The following CES5A variants were observed in gnomAD, a reference collection of about 807,000 sequenced individuals.
The protein encoded by CES5A is carboxylesterase 5.
A neutral mutation model predicts 62.9 loss-of-function variants in CES5A; 67 were observed. The observed-to-expected ratio is 1.07, with a 90% CI of 0.88 to 1.31. The LOEUF is 1.31. Ranked by LOEUF, CES5A falls within the 50% of genes most tolerant of loss-of-function variation. The probability of loss-of-function intolerance (pLI) is 0.00; values close to 1 mark genes in which losing one functional copy is unlikely to be tolerated. For missense variants in CES5A, 748 were observed against 708.5 expected (o/e 1.06, Z -0.63); for synonymous variants, 296 against 280.8 (o/e 1.05, Z -0.54).
intron 6 of CES5A, among the ~76,000 whole-genome samples, chr16:55,862,939 G>C (rs3848302): frequency 6.6e-6 from 1 of 152,220 alleles, no homozygotes; most frequent in Non-Finnish European, 1.5e-5. Flanking sequence ...GCCAGACAAC[G>C]TGAATCAGTC....
At chr16:55,892,953 G>T (rs957468791) in intron 1 of CES5A, among the ~76,000 whole-genome samples, 3 of 152,116 alleles carry the variant, frequency 2.0e-5, no homozygotes, top group Non-Finnish European at 2.9e-5. Flanking sequence ...GAGTTGTGCA[G>T]GGACAAGGAA....
intron 5 of CES5A, among the ~76,000 whole-genome samples, chr16:55,864,928 C>A (rs1358483350): frequency 4.0e-5 from 6 of 151,406 alleles, no homozygotes; most frequent in Non-Finnish European, 7.4e-5. Flanking sequence ...TTGCTGTCAC[C>A]GGACACGGTG....
At chr16:55,936,770 G>A (rs2142474364) in intron 2 of CES5A, among the ~76,000 whole-genome samples, 1 of 152,300 alleles carries the variant, frequency 6.6e-6, no homozygotes, top group Admixed American at 6.5e-5. Context: ...CGAAGTTGAG[G>A]AGCACTTCAA....
At chr16:55,884,366 T>G (rs986915569) in intron 1 of CES5A, among the ~76,000 whole-genome samples, 1 of 152,174 alleles carries the variant, frequency 6.6e-6, no homozygotes, top group Non-Finnish European at 1.5e-5. Flanking sequence ...TCTCCACCAC[T>G]CCTTACAGGT....
intron 8 of CES5A, among the ~76,000 whole-genome samples, chr16:55,857,573 T>C (rs752832417): frequency 1.3e-5 from 2 of 152,216 alleles, no homozygotes; most frequent in Non-Finnish European, 2.9e-5. Flanking sequence ...ATATTTTAAC[T>C]ACTAAAAACC....
upstream of CES5A, among the ~76,000 whole-genome samples, chr16:55,930,185 C>T (rs1422846803): frequency 6.6e-6 from 1 of 151,646 alleles, no homozygotes; most frequent in African/African-American, 2.4e-5. Flanking sequence ...CTCCCTCCTC[C>T]CCCAGCAACC....
At chr16:55,942,556 C>T (rs1335807948) in intron 2 of CES5A, among the ~76,000 whole-genome samples, 2 of 152,160 alleles carry the variant, frequency 1.3e-5, no homozygotes, top group Non-Finnish European at 2.9e-5. Flanking sequence ...AACCTATGAA[C>T]CATCTGGAAC....
At chr16:55,910,163 C>T (rs568821390) in intron 1 of CES5A, among the ~76,000 whole-genome samples, 1 of 152,158 alleles carries the variant, frequency 6.6e-6, no homozygotes, top group African/African-American at 2.4e-5. Context: ...GTGGCCACAC[C>T]CCCTCCTCCA....
chr16:55,871,531 G>T lies in CES5A; in HGVS notation c.417+94C>A, dbSNP rs1280126653. 2.8e-6 allele frequency: 4 copies of T among 1,405,700 alleles called. No individual in the cohort carries two copies. In the South Asian group the frequency reaches 4.0e-5, roughly 14 times the overall value. The allele number at this position is 1,405,700 out of a possible 1,614,324, so 87.1% of individuals were successfully genotyped here. ...TACATTTCCCTTTTACCCAACAGGG[G>T]GTAGTTCCAATTCCAGACATGTAGC... On this transcript the variant is annotated intron_variant, in intron 3 of 12. Transcript: ENST00000290567.
chr16:55,944,217 C>A, intron 2 of CES5A: 1 of 652,298 alleles, frequency 1.5e-6, no homozygotes, highest in Non-Finnish European at 2.8e-6. Flanking sequence ...CAGTACGACT[C>A]TGAACAAGAC....
intron 1 of CES5A, among the ~76,000 whole-genome samples, chr16:55,904,609 T>C (rs1195587092): frequency 2.6e-5 from 4 of 152,238 alleles, no homozygotes; most frequent in South Asian, 2.1e-4. Flanking sequence ...GTTGTCTCTC[T>C]TAATCTTCAC....
At chr16:55,911,814 A>T (rs543550593) in intron 1 of CES5A, among the ~76,000 whole-genome samples, 194 of 152,272 alleles carry the variant, frequency 1.3e-3, no homozygotes, top group African/African-American at 4.5e-3. Context: ...CTGGCCACTG[A>T]CCTGCTGCTT....
At chr16:55,854,431 A>G (rs2033191800) in intron 9 of CES5A, among the ~76,000 whole-genome samples, 1 of 151,438 alleles carries the variant, frequency 6.6e-6, no homozygotes, top group South Asian at 2.1e-4. Context: ...TATATCATCA[A>G]TATCTCTCAA....
rs2034537488 is a variant in CES5A at position 55,949,984 on chromosome 16, T to C, written c.43-82A>G. On this transcript the variant is annotated intron_variant, in intron 1 of 13. Transcript: ENST00000521992. ...AAAATATAATATAACCAATACAGCA[T>C]ATAAGTAAGAATATAACAACATATA... The C allele has an allele frequency of 5.6e-6, 3 of 534,696 alleles. No individual in the cohort carries two copies. In the African/African-American group the frequency reaches 5.9e-5, roughly 10 times the overall value. 33.1% of individuals were successfully genotyped at this position (534,696 alleles called of 1,614,324 possible).
intron 1 of CES5A, among the ~76,000 whole-genome samples, chr16:55,912,789 GAC>G (rs1164079879): frequency 2.6e-5 from 4 of 152,298 alleles, no homozygotes; most frequent in Middle Eastern, 3.4e-3. Context: ...AACTGGAAGA[GAC>G]ACAATCCCAT....
Position 55,872,981 on chromosome 16 carries a change from C to T in CES5A, c.278+852G>A, listed in dbSNP as rs143564483. ...AATATTAGTTGGATGAATGAATGAACGCACAAACAAATGAGTTTCAGCTTG... is the reference window on the plus strand; with the variant it reads ...AATATTAGTTGGATGAATGAATGAATGCACAAACAAATGAGTTTCAGCTTG... On this transcript the variant is annotated intron_variant, in intron 2 of 12. Transcript: ENST00000290567. 9.9e-5 allele frequency among the ~76,000 whole-genome samples: 15 copies of T among 152,222 alleles called. No homozygotes were observed. The East Asian group carries it at 2.9e-3, about 29-fold the overall frequency.
chr16:55,914,165 T>G (rs1445255041), intron 1 of CES5A, among the ~76,000 whole-genome samples: 3 of 152,218 alleles, frequency 2.0e-5, no homozygotes, highest in African/African-American at 4.8e-5. Flanking sequence ...GCCTCCTATA[T>G]TTTTATTTGC....
chr16:55,885,379 C>A (rs143372099), intron 1 of CES5A, among the ~76,000 whole-genome samples: 1 of 152,120 alleles, frequency 6.6e-6, no homozygotes, highest in African/African-American at 2.4e-5. Context: ...AAGGATTAAA[C>A]GTGCAAAGGA....
rs553153863 is a variant in CES5A, at chr16:55,896,984, T to G, written c.-255-22947A>C. Among the ~76,000 whole-genome samples the G allele has an allele frequency of 2.6e-5, 4 of 152,168 alleles. No homozygotes were observed. In the South Asian group the frequency reaches 8.3e-4, roughly 32 times the overall value. The stretch of plus-strand genomic sequence containing the variant: ...TTGTCCTAAGGAATGGATTCACAAA[T>G]GTAGATTTTCTGTCATTTGGGAACC... On this transcript the variant is annotated intron_variant, in intron 1 of 12. Coordinates refer to the CES5A transcript ENST00000518005.
Sources: gnomAD v4.1 joint callset for allele counts (sites outside exome capture counted in the v4.1 genomes callset) on GRCh38, gnomAD v4.1.1 for gene constraint, MANE v1.5 for transcripts, NCBI Gene and HGNC (gene_info 2026-07-23, HGNC 2026-07-21) for gene names.